The following CTNNAL1 variants were observed in gnomAD, a reference collection of about 807,000 sequenced individuals.
CTNNAL1 encodes alpha-catulin.
In CTNNAL1, 69 loss-of-function variants were observed where a neutral mutation model predicts 93.6. That is an observed-to-expected ratio of 0.74 (90% CI 0.61 to 0.90). The LOEUF (loss-of-function observed/expected upper bound fraction) is 0.90, where lower values mean the gene tolerates loss of function less well. CTNNAL1 is among the 40% of genes least tolerant of loss of function. CTNNAL1 has a pLI of 0.00. For synonymous variants in CTNNAL1, 286 were observed against 305.4 expected (o/e 0.94, Z 0.66); for missense variants, 836 against 862.0 (o/e 0.97, Z 0.38).
intron 8 of CTNNAL1, 31 bp from the exon 9 acceptor site, chr9:108,972,864 G>GTGCCC: frequency 7.0e-6 from 1 of 142,584 alleles, no homozygotes; most frequent in Non-Finnish European, 1.0e-5. Context: ...GGGGGGGTGG[G>GTGCCC]AGGGTGGAGA....
chr9:108,991,968 T>G (rs1284704782), intron 3 of CTNNAL1: 1 of 701,322 alleles, frequency 1.4e-6, no homozygotes, highest in Non-Finnish European at 2.7e-6. Context: ...TTGAGATTAT[T>G]CAGTAACATT....
At chr9:108,959,593 TAATAA>T (rs905370976) in intron 11 of CTNNAL1, among the ~76,000 whole-genome samples, 6 of 151,928 alleles carry the variant, frequency 3.9e-5, no homozygotes, top group Non-Finnish European at 7.4e-5. Context: ...ATAATAATAA[TAATAA>T]AATAAACTGG....
Position 108,992,736 on chromosome 9 carries a change from T to C in CTNNAL1, c.415A>G (p.Thr139Ala). 6.2e-7 allele frequency: 1 copy of C among 1,614,006 alleles called. No homozygotes were observed. The highest frequency in any genetic ancestry group is 8.5e-7 in the Non-Finnish European group (1 of 1,179,954). ...AATCTTGCAGCCTTTATCACTCCTG[T>C]TTTGTCTGTAAAAATTGTGATCTGC... ...DGQITIFTDKTGVIKAARLLL... is the reference protein window; with the variant it reads ...DGQITIFTDKAGVIKAARLLL... The change falls in exon 3 of 19, where the codon ACA becomes GCA. Residue 139 changes from threonine to alanine, a missense_variant. Thr to Ala is a moderately conservative substitution (Grantham distance 58). Transcript: ENST00000325551.
Position 109,000,436 on chromosome 9 carries a change from C to T in CTNNAL1, c.142-1180G>A, listed in dbSNP as rs139444064. Among the ~76,000 whole-genome samples the T allele has an allele frequency of 9.8e-4, 149 of 152,218 alleles. 2 individuals carry two copies. The East Asian group carries it at 0.019, about 19-fold the overall frequency. On this transcript the variant is annotated intron_variant, in intron 1 of 18. Coordinates refer to ENST00000325551, the MANE Select transcript of CTNNAL1 (RefSeq NM_003798.4). ...ACAATCAACAAGAAAGAAAAGCCCA[C>T]GTTCCCATGGGGCTTACATTCTAGT...
Position 108,984,370 on chromosome 9 carries a change from T to C in CTNNAL1, c.706A>G (p.Met236Val), listed in dbSNP as rs780557048. 1.1e-5 allele frequency: 18 copies of C among 1,610,138 alleles called. No homozygotes were observed. The highest frequency in any genetic ancestry group is 2.2e-5 in the East Asian group (1 of 44,862). The change falls in exon 5 of 19, where the codon ATG becomes GTG. Residue 236 changes from methionine (M) to valine (V), a missense_variant. Met to Val is a conservative substitution (Grantham distance 21, BLOSUM62 1). Coordinates refer to ENST00000325551, the MANE Select transcript of CTNNAL1 (RefSeq NM_003798.4). ...ACCTTTGAAGCTGTGAGAAGCATCA[T>C]TGTACACTTTTCAAGAACTGCCCTA... ...AARAVLEKCT[M>V]MLLTASKTCL... is the part of the protein sequence containing the mutation.
intron 3 of CTNNAL1, among the ~76,000 whole-genome samples, chr9:108,991,331 G>A (rs1831796721): frequency 6.6e-6 from 1 of 152,088 alleles, no homozygotes; most frequent in Admixed American, 6.5e-5. Flanking sequence ...AGGGAAGTGT[G>A]GGACTTTAAG....
At chr9:108,950,938 C>T (rs967874354) in intron 14 of CTNNAL1, among the ~76,000 whole-genome samples, 1 of 152,128 alleles carries the variant, frequency 6.6e-6, no homozygotes, top group African/African-American at 2.4e-5. Flanking sequence ...ATGTTACCAG[C>T]TCCCATCTAC....
At chr9:108,974,913 C>A (rs1048720883) in intron 8 of CTNNAL1, among the ~76,000 whole-genome samples, 1 of 152,072 alleles carries the variant, frequency 6.6e-6, no homozygotes, top group Non-Finnish European at 1.5e-5. Flanking sequence ...GGTGCAGTGG[C>A]TCACTTTGGG....
At chr9:109,003,476 T>A (rs752773118) in intron 1 of CTNNAL1, among the ~76,000 whole-genome samples, 35 of 152,162 alleles carry the variant, frequency 2.3e-4, no homozygotes, top group Non-Finnish European at 4.4e-4. Context: ...AAACATGAGC[T>A]ACAATTCATG....
chr9:108,998,844 G>A (rs1231222593), intron 2 of CTNNAL1, among the ~76,000 whole-genome samples: 3 of 152,158 alleles, frequency 2.0e-5, no homozygotes, highest in African/African-American at 7.2e-5. Context: ...TGATGAGGAT[G>A]GCCGATCACT....
chr9:108,955,159 T>C (rs1830660807), intron 12 of CTNNAL1, among the ~76,000 whole-genome samples: 1 of 152,090 alleles, frequency 6.6e-6, no homozygotes, highest in African/African-American at 2.4e-5. Context: ...TTTGTTTTTG[T>C]ATTTTTAGTA....
intron 1 of CTNNAL1, among the ~76,000 whole-genome samples, chr9:109,003,700 A>G (rs751240927): frequency 2.8e-4 from 42 of 152,186 alleles, no homozygotes; most frequent in Non-Finnish European, 2.9e-5. Flanking sequence ...TATAGTAGTC[A>G]TCCTAAAGCT....
chr9:108,961,988 A>G (rs745619753), intron 11 of CTNNAL1, among the ~76,000 whole-genome samples: 2 of 152,218 alleles, frequency 1.3e-5, no homozygotes, highest in Non-Finnish European at 2.9e-5. Flanking sequence ...GAATTGGTTC[A>G]TTCTCATTAG....
chr9:108,992,945 G>T, intron 2 of CTNNAL1, 126 bp from the exon 3 acceptor site: 2 of 1,047,374 alleles, frequency 1.9e-6, no homozygotes, highest in Non-Finnish European at 2.7e-6. Context: ...TCAGGAACAA[G>T]AAACGGTTTC....
intron 11 of CTNNAL1, among the ~76,000 whole-genome samples, chr9:108,964,887 G>C (rs1419479691): frequency 2.8e-5 from 4 of 140,932 alleles, no homozygotes; most frequent in African/African-American, 7.8e-5. Context: ...TTTTGAGACA[G>C]AGTCTTGCTC....
chr9:108,953,546 T>C (rs1168562009), intron 12 of CTNNAL1, among the ~76,000 whole-genome samples: 1 of 152,182 alleles, frequency 6.6e-6, no homozygotes, highest in African/African-American at 2.4e-5. Flanking sequence ...TGTGTACACT[T>C]AGCTTAGGAA....
chr9:108,946,797 A>G (rs192266126), intron 15 of CTNNAL1, among the ~76,000 whole-genome samples: 1 of 152,348 alleles, frequency 6.6e-6, no homozygotes, highest in African/African-American at 2.4e-5. Context: ...CACAGTTTGG[A>G]GACAATTCAT....
intron 10 of CTNNAL1, among the ~76,000 whole-genome samples, chr9:108,966,273 C>T (rs772217559): frequency 2.6e-5 from 4 of 152,178 alleles, no homozygotes; most frequent in African/African-American, 7.2e-5. Context: ...GGTACTTTTA[C>T]GTACCACCAC....
At chr9:108,968,729 A>G (rs1022860940) in intron 10 of CTNNAL1, among the ~76,000 whole-genome samples, 3 of 152,142 alleles carry the variant, frequency 2.0e-5, no homozygotes, top group African/African-American at 7.2e-5. Context: ...CATCCCTCCA[A>G]CATCCAACAT....
Sources: gnomAD v4.1 joint callset for allele counts (sites outside exome capture counted in the v4.1 genomes callset) on GRCh38, gnomAD v4.1.1 for gene constraint, MANE v1.5 for transcripts, NCBI Gene and HGNC (gene_info 2026-07-23, HGNC 2026-07-21) for gene names.